Variants in AVEN observed in about 807,000 individuals in gnomAD.
AVEN encodes cell death regulator Aven.
In AVEN, 41 loss-of-function variants were observed where a neutral mutation model predicts 38.1. The ratio of observed to expected loss-of-function variants is 1.08; its 90% CI spans 0.84 to 1.40. The LOEUF is 1.40. AVEN is among the 40% of genes most tolerant of loss of function. The pLI is 0.00. For synonymous variants in AVEN, 206 were observed against 171.8 expected, an observed-to-expected ratio of 1.20 and a Z score of -1.56; for missense variants, 605 against 438.8, an observed-to-expected ratio of 1.38 and a Z score of -3.38.
intron 2 of AVEN, among the ~76,000 whole-genome samples, chr15:33,940,673 C>G (rs2153053630): frequency 6.6e-6 from 1 of 152,216 alleles, no homozygotes; most frequent in East Asian, 1.9e-4. Flanking sequence ...TCCCGAGTAG[C>G]TGGGACAACA....
intron 4 of AVEN, 60 bp downstream of exon 4, chr15:33,870,875 C>T (rs1890917646): frequency 2.5e-6 from 3 of 1,214,612 alleles, no homozygotes; most frequent in Admixed American, 1.9e-5. Context: ...GGGAAGTGTT[C>T]CCCTCTTTTT....
intron 3 of AVEN, among the ~76,000 whole-genome samples, chr15:33,873,617 A>C (rs564385009): frequency 2.7e-4 from 40 of 149,644 alleles, no homozygotes; most frequent in African/African-American, 9.8e-4. Flanking sequence ...ATATATATCC[A>C]GTTTTTTCTC....
chr15:33,969,286 G>A (rs1023768526), intron 2 of AVEN: 2 of 150,840 alleles, frequency 1.3e-5, no homozygotes, highest in Non-Finnish European at 3.0e-5. Context: ...TGAGGTAAAC[G>A]CTTGTTTTTA....
At chr15:33,985,951 T>C (rs1375010124) in intron 2 of AVEN, among the ~76,000 whole-genome samples, 3 of 152,202 alleles carry the variant, frequency 2.0e-5, no homozygotes, top group Non-Finnish European at 4.4e-5. Context: ...CCCAGGTGCC[T>C]GATATCTCTC....
chr15:33,861,309 C>T, downstream of AVEN: 3 of 604,120 alleles, frequency 5.0e-6, no homozygotes. Context: ...TGAGCCTGTA[C>T]CTTTGTCCAT....
At chr15:33,976,602 T>A (rs1232132335) in intron 2 of AVEN, among the ~76,000 whole-genome samples, 1 of 152,200 alleles carries the variant, frequency 6.6e-6, no homozygotes, top group African/African-American at 2.4e-5. Flanking sequence ...AATTTATATA[T>A]CTTTATTTAG....
At chr15:33,890,957 G>A (rs528762501) in intron 2 of AVEN, among the ~76,000 whole-genome samples, 1 of 152,172 alleles carries the variant, frequency 6.6e-6, no homozygotes, top group African/African-American at 2.4e-5. Flanking sequence ...AAAATTTAAA[G>A]AATTAGCGGA....
intron 2 of AVEN, among the ~76,000 whole-genome samples, chr15:33,976,725 A>C (rs1253877718): frequency 6.6e-6 from 1 of 152,236 alleles, no homozygotes; most frequent in Non-Finnish European, 1.5e-5. Flanking sequence ...AATTTAACAT[A>C]AATGTATTGT....
At chr15:34,008,634 G>A (rs1002405663) in intron 1 of AVEN, among the ~76,000 whole-genome samples, 1 of 148,230 alleles carries the variant, frequency 6.7e-6, no homozygotes, top group Non-Finnish European at 1.5e-5. Flanking sequence ...GACCACAGGC[G>A]TGTGCCACCA....
intron 4 of AVEN, among the ~76,000 whole-genome samples, chr15:33,868,694 C>G (rs888375324): frequency 8.6e-5 from 13 of 151,936 alleles, no homozygotes; most frequent in African/African-American, 2.9e-4. Flanking sequence ...AGAAAATACA[C>G]TATTTGATGA....
chr15:34,063,482 C>CT lies in AVEN; in HGVS notation n.1127-51dup. The CT allele has an allele frequency of 6.2e-7, 1 of 1,613,868 alleles. No homozygotes were observed. Among genetic ancestry groups the CT allele is most frequent in the Non-Finnish European group, 8.5e-7 (1 of 1,180,028 alleles). On this transcript the variant is annotated intron_variant and non_coding_transcript_variant, in intron 4 of 11. Coordinates refer to the AVEN transcript ENST00000675287. This position sits in a 1 kb window ranked among gnomAD's most constrained non-coding sequence, Gnocchi z 4.1. ...GGGCTCTGTTCAGATCCTGCTTGCG[C>CT]TGTCCTCGACCCACCCTGGCCCAGC...
chr15:34,025,596 T>C (rs1226228579), intron 1 of AVEN, among the ~76,000 whole-genome samples: 1 of 152,226 alleles, frequency 6.6e-6, no homozygotes, highest in Non-Finnish European at 1.5e-5. Context: ...GCAATGTTAA[T>C]GTCCTGATTT....
intron 1 of AVEN, among the ~76,000 whole-genome samples, chr15:34,033,522 T>C (rs1268879593): frequency 6.7e-6 from 1 of 149,888 alleles, no homozygotes; most frequent in Admixed American, 6.6e-5. Context: ...AAAAAAAAAA[T>C]TGCAAATCAA....
At chr15:34,051,993 C>G (rs1899938996) in intron 5 of AVEN, among the ~76,000 whole-genome samples, 1 of 152,142 alleles carries the variant, frequency 6.6e-6, no homozygotes, top group South Asian at 2.1e-4. Flanking sequence ...CTGACTCATT[C>G]TATGAAGCCA....
intron 2 of AVEN, among the ~76,000 whole-genome samples, chr15:33,965,088 G>T (rs1567437313): frequency 1.3e-5 from 2 of 152,142 alleles, no homozygotes; most frequent in Non-Finnish European, 2.9e-5. Context: ...CCTCAGAGCT[G>T]TTAAAAATTA....
chr15:33,960,995 A>G (rs1178132813), intron 2 of AVEN, among the ~76,000 whole-genome samples: 1 of 152,106 alleles, frequency 6.6e-6, no homozygotes, highest in Non-Finnish European at 1.5e-5. Context: ...TCTGGTAAAA[A>G]TATTTCTTTT....
At chr15:33,933,978 A>G (rs1893969724) in intron 2 of AVEN, among the ~76,000 whole-genome samples, 1 of 149,738 alleles carries the variant, frequency 6.7e-6, no homozygotes, top group Admixed American at 6.7e-5. Flanking sequence ...CACATACAAA[A>G]ACGACTGGTT....
At chr15:33,980,628 AGAAAGAAAAGGGAGT>A (rs981124864) in intron 2 of AVEN, among the ~76,000 whole-genome samples, 120 of 130,710 alleles carry the variant, frequency 9.2e-4, no homozygotes, top group African/African-American at 3.1e-3. Context: ...CATGCACATA[AGAAAGAAAAGGGAGT>A]GACACACAGA....
intron 1 of AVEN, among the ~76,000 whole-genome samples, chr15:34,028,480 A>G (rs1898602968): frequency 6.6e-6 from 1 of 152,184 alleles, no homozygotes; most frequent in Non-Finnish European, 1.5e-5. Flanking sequence ...TGGGAGGATC[A>G]CTTAAGCCAA....
Sources: allele counts gnomAD v4.1 joint callset (sites outside exome capture counted in the v4.1 genomes callset), GRCh38; gene constraint gnomAD v4.1.1; non-coding constraint Gnocchi (gnomAD v3.1); transcripts MANE v1.5; gene names NCBI Gene and HGNC (gene_info 2026-07-23, HGNC 2026-07-21).